The following GNA14 variants were observed in gnomAD, a reference collection of about 807,000 sequenced individuals.
GNA14 encodes the protein guanine nucleotide-binding protein subunit alpha-14.
Under a neutral mutation model 42.0 loss-of-function variants are expected in GNA14, and 50 were observed. The observed-to-expected ratio is 1.19, with a 90% CI of 0.95 to 1.51. The LOEUF is 1.51. Among genes scored for constraint, GNA14 ranks in the 40% most tolerant of loss-of-function variants. The probability of loss-of-function intolerance (pLI) is 0.00; values close to 1 mark genes in which losing one functional copy is unlikely to be tolerated. For missense variants in GNA14, 473 were observed against 446.2 expected, an observed-to-expected ratio of 1.06 and a Z score of -0.54; for synonymous variants, 173 against 163.1, an observed-to-expected ratio of 1.06 and a Z score of -0.46.
intron 1 of GNA14, among the ~76,000 whole-genome samples, chr9:77,544,622 G>C (rs1241236333): frequency 7.0e-6 from 1 of 142,674 alleles, no homozygotes; most frequent in African/African-American, 2.7e-5. Flanking sequence ...AGAATCACTT[G>C]AACCTGGAGG....
At chr9:77,484,256 A>G (rs967111218) in intron 2 of GNA14, among the ~76,000 whole-genome samples, 1 of 152,334 alleles carries the variant, frequency 6.6e-6, no homozygotes, top group Admixed American at 6.5e-5. Context: ...GAAAAAATGG[A>G]ATTTATAAAT....
In GNA14 at chr9:77,533,839, T is replaced by C. The variant is rs960915088; in HGVS notation, c.125-4586A>G. 7.9e-5 allele frequency among the ~76,000 whole-genome samples: 12 copies of C among 152,348 alleles called. No individual in the cohort carries two copies. The South Asian group carries it at 1.2e-3, about 16-fold the overall frequency. ...TGGCACATACAGATAATTTCTTTTCTATAAAGCTCACCTCCACAAGCTTCC... is the reference window on the plus strand; with the variant it reads ...TGGCACATACAGATAATTTCTTTTCCATAAAGCTCACCTCCACAAGCTTCC... On this transcript the variant is annotated intron_variant, in intron 1 of 6. Coordinates refer to ENST00000341700, the MANE Select transcript of GNA14 (RefSeq NM_004297.4).
intron 2 of GNA14, among the ~76,000 whole-genome samples, chr9:77,480,836 G>A (rs2131728415): frequency 1.3e-5 from 2 of 152,324 alleles, no homozygotes; most frequent in East Asian, 1.9e-4. Context: ...TATTTGCATA[G>A]AGGTGTTTGT....
chr9:77,581,002 GCACACACACACACACA>G (rs3052394), intron 1 of GNA14, among the ~76,000 whole-genome samples: 3 of 144,398 alleles, frequency 2.1e-5, no homozygotes, highest in Non-Finnish European at 3.1e-5. Context: ...TACAATAAAG[GCACACACACACACACA>G]CACACACACA....
At chr9:77,427,983 GA>G (rs1197222145) in intron 5 of GNA14, among the ~76,000 whole-genome samples, 2 of 151,976 alleles carry the variant, frequency 1.3e-5, no homozygotes, top group African/African-American at 4.8e-5. Flanking sequence ...TTGTGCAGTA[GA>G]ATCCCTGGTG....
intron 1 of GNA14, among the ~76,000 whole-genome samples, chr9:77,569,630 G>A (rs189752765): frequency 1.0e-3 from 153 of 152,304 alleles, no homozygotes; most frequent in Non-Finnish European, 1.5e-3. Flanking sequence ...AAAGAAGAAA[G>A]AGCCCAGGCT....
chr9:77,541,663 A>G (rs1837662415), intron 1 of GNA14, among the ~76,000 whole-genome samples: 1 of 152,160 alleles, frequency 6.6e-6, no homozygotes, highest in Non-Finnish European at 1.5e-5. Context: ...CCTTGAGGAC[A>G]CTGATAATTT....
intron 1 of GNA14, among the ~76,000 whole-genome samples, chr9:77,632,271 CTGGGTGCCA>C (rs1445147372): frequency 1.3e-5 from 2 of 152,188 alleles, no homozygotes; most frequent in Non-Finnish European, 2.9e-5. Context: ...CATGGGCATC[CTGGGTGCCA>C]TGGGTGCCAT....
At chr9:77,641,104 GGAAGGAAGGAAGGAAGGAAGGAAGGAA>G (rs1824258321) in intron 1 of GNA14, among the ~76,000 whole-genome samples, 2 of 2,076 alleles carry the variant, frequency 9.6e-4, no homozygotes, top group African/African-American at 3.0e-3. Flanking sequence ...GGGGGGGGAA[GGAAGGAAGGAAGGAAGGAAGGAAGGAA>G]GGAAGGAAGG....
chr9:77,589,338 C>T (rs1823353378), intron 1 of GNA14, among the ~76,000 whole-genome samples: 1 of 152,210 alleles, frequency 6.6e-6, no homozygotes, highest in Non-Finnish European at 1.5e-5. Context: ...TTACCAATTC[C>T]TTTGACTTTG....
At chr9:77,621,633 A>T (rs1451534184) in intron 1 of GNA14, among the ~76,000 whole-genome samples, 2 of 152,200 alleles carry the variant, frequency 1.3e-5, no homozygotes, top group Non-Finnish European at 2.9e-5. Context: ...TAAGAGAGAG[A>T]CTTCATCATT....
chr9:77,497,105 G>T (rs1836884510), intron 2 of GNA14, among the ~76,000 whole-genome samples: 1 of 151,952 alleles, frequency 6.6e-6, no homozygotes, highest in Admixed American at 6.6e-5. Flanking sequence ...CGGCAGAGGT[G>T]CTCGGAGACC....
At chr9:77,547,271 G>A (rs1471404721) in intron 1 of GNA14, among the ~76,000 whole-genome samples, 1 of 152,218 alleles carries the variant, frequency 6.6e-6, no homozygotes. Flanking sequence ...ATCTGTAGAT[G>A]AGATAGCTAT....
At chr9:77,589,332 C>A (rs962382899) in intron 1 of GNA14, among the ~76,000 whole-genome samples, 1 of 152,186 alleles carries the variant, frequency 6.6e-6, no homozygotes, top group Non-Finnish European at 1.5e-5. Context: ...TCAGTGTTAC[C>A]AATTCCTTTG....
At chr9:77,570,987 C>T (rs17063753) in intron 1 of GNA14, among the ~76,000 whole-genome samples, 10,762 of 151,908 alleles carry the variant, frequency 0.071, 1,125 homozygotes, top group African/African-American at 0.22. Context: ...CAACTAAGTG[C>T]TAGGCATACC....
chr9:77,588,196 CAT>C (rs1823334932), intron 1 of GNA14, among the ~76,000 whole-genome samples: 1 of 152,172 alleles, frequency 6.6e-6, no homozygotes, highest in African/African-American at 2.4e-5. Context: ...TGTCAAGTAA[CAT>C]ATTCACAGTT....
Position 77,630,496 on chromosome 9 carries a change from T to G in GNA14, c.124+17174A>C, listed in dbSNP as rs1308133987. ...TTTGCTTGACAGCTTTTTCGGAGGT[T>G]TGAAATATTTGAGGATACTTGGGTT... On this transcript the variant is annotated intron_variant, in intron 1 of 6. Coordinates refer to ENST00000341700, the MANE Select transcript of GNA14 (RefSeq NM_004297.4). 2.6e-5 allele frequency among the ~76,000 whole-genome samples: 4 copies of G among 152,254 alleles called. No individual in the cohort carries two copies. The East Asian group carries it at 7.7e-4, about 29-fold the overall frequency.
chr9:77,457,878 C>CTT (rs146854114), intron 2 of GNA14, among the ~76,000 whole-genome samples: 2 of 149,404 alleles, frequency 1.3e-5, no homozygotes, highest in African/African-American at 4.9e-5. Context: ...CCTTGCTCTG[C>CTT]TTTTTTTTTT....
At chr9:77,504,079 T>C (rs1489797860) in intron 2 of GNA14, among the ~76,000 whole-genome samples, 4 of 152,196 alleles carry the variant, frequency 2.6e-5, no homozygotes, top group Admixed American at 2.0e-4. Flanking sequence ...CCTCTCTACT[T>C]ATACTGTCCC....
Sources: allele counts gnomAD v4.1 joint callset (sites outside exome capture counted in the v4.1 genomes callset), GRCh38; gene constraint gnomAD v4.1.1; transcripts MANE v1.5; gene names NCBI Gene and HGNC (gene_info 2026-07-23, HGNC 2026-07-21).